The following DENND4A variants were observed in gnomAD, a reference collection of about 807,000 sequenced individuals.
The protein encoded by DENND4A is C-myc promoter-binding protein.
In DENND4A, 70 loss-of-function variants were observed where a neutral mutation model predicts 199.3. That is an observed-to-expected ratio of 0.35 (90% confidence interval 0.29 to 0.43). The LOEUF (loss-of-function observed/expected upper bound fraction) is 0.43, where lower values mean the gene tolerates loss of function less well. Among genes scored for constraint, DENND4A ranks in the 20% least tolerant of loss-of-function variants. The pLI is 1.00. For missense variants in DENND4A, 1,723 were observed against 2,255.8 expected (o/e 0.76, Z 4.78); for synonymous variants, 686 against 766.9 (o/e 0.89, Z 1.74).
chr15:65,731,543 T>C, intron 9 of DENND4A, 99 bp downstream of exon 9: 6 of 900,340 alleles, frequency 6.7e-6, no homozygotes, highest in Non-Finnish European at 8.7e-6. Flanking sequence ...AAATGAGAAG[T>C]ATTTCCATCA....
intron 12 of DENND4A, among the ~76,000 whole-genome samples, chr15:65,720,781 C>T (rs1396237399): frequency 6.6e-6 from 1 of 151,192 alleles, no homozygotes; most frequent in African/African-American, 2.4e-5. Context: ...CTACTATACG[C>T]CTCCTTCAAT....
intron 1 of DENND4A, among the ~76,000 whole-genome samples, chr15:65,785,949 TC>T (rs2077556820): frequency 6.6e-6 from 1 of 152,010 alleles, no homozygotes; most frequent in Non-Finnish European, 1.5e-5. Context: ...AACTTACAAA[TC>T]AGTAAGAAAT....
rs189050730 is a variant in DENND4A at position 65,706,324 on chromosome 15, C to T, written c.1954-100G>A. 1,248 of 1,135,524 alleles carry T rather than the reference C, an allele frequency of 1.1e-3. 6 individuals carry two copies. The highest frequency in any genetic ancestry group is 1.3e-3 in the Non-Finnish European group (1,151 of 865,504). 70.3% of individuals were successfully genotyped at this position (1,135,524 alleles called of 1,614,324 possible). A position where few individuals can be genotyped will look rare whatever the true frequency, so the allele number is the denominator to read the frequency against. On this transcript the variant is annotated intron_variant, in intron 14 of 32. Transcript: ENST00000443035. Reference sequence around the variant, plus strand: ...AAATAAACCATCTGCACAATGGATACTAAACAGCTATTAAAAAAGAAGAGT... The same window carrying T: ...AAATAAACCATCTGCACAATGGATATTAAACAGCTATTAAAAAAGAAGAGT...
rs957848588 is a variant in DENND4A at position 65,721,618 on chromosome 15, G to C, written c.1588+1230C>G. ...TAAAAAAAAAAAAAAAAAAGAAAGA[G>C]AAAGACGACGTCTCACTCTGTCACC... On this transcript the variant is annotated intron_variant, in intron 12 of 32. Coordinates refer to ENST00000443035, the MANE Select transcript of DENND4A (RefSeq NM_001320835.1). Among the ~76,000 whole-genome samples the C allele has an allele frequency of 1.9e-4, 28 of 148,170 alleles. No individual in the cohort carries two copies. In the East Asian group the frequency reaches 3.7e-3, roughly 19 times the overall value.
At chr15:65,770,950 T>C (rs1034419370) in intron 1 of DENND4A, among the ~76,000 whole-genome samples, 3 of 152,220 alleles carry the variant, frequency 2.0e-5, no homozygotes, top group African/African-American at 7.2e-5. Flanking sequence ...TGCAAGCTTT[T>C]AAAATGAAAA....
rs1260060111 is a variant in DENND4A at position 65,716,695 on chromosome 15, G to A, written c.1808-1072C>T. On this transcript the variant is annotated intron_variant, in intron 13 of 32. Coordinates refer to ENST00000443035, the MANE Select transcript of DENND4A (RefSeq NM_001320835.1). ...AGTCTTTGTTATTGTGAATAGTGCC[G>A]CAATAAACATACGTGTGCATGTGTC... Among the ~76,000 whole-genome samples, 13 of 151,594 alleles carry A rather than the reference G, an allele frequency of 8.6e-5. No homozygotes were observed. In the South Asian group the frequency reaches 1.3e-3, roughly 15 times the overall value.
chr15:65,731,713 T>G lies in DENND4A; in HGVS notation c.1108-13A>C, dbSNP rs1596547331. 6.5e-7 allele frequency: 1 copy of G among 1,535,884 alleles called. No homozygotes were observed. Among genetic ancestry groups the G allele is most frequent in the African/African-American group, 1.4e-5 (1 of 72,632 alleles). On this transcript the variant is annotated splice_polypyrimidine_tract_variant and intron_variant, in intron 8 of 32. Transcript: ENST00000443035. ...CATGTGGTGATAACTGGAAGAAGAT[T>G]TAAAATAAAGAATTTGAAACATAAA...
chr15:65,772,136 C>T (rs1330031217), intron 1 of DENND4A: 3 of 768,712 alleles, frequency 3.9e-6, no homozygotes, highest in African/African-American at 3.5e-5. Context: ...CCCTGTTCCC[C>T]TCCATAGCTT....
At chr15:65,791,497 T>C (rs2077721894) in intron 1 of DENND4A, among the ~76,000 whole-genome samples, 1 of 143,016 alleles carries the variant, frequency 7.0e-6, no homozygotes, top group Non-Finnish European at 1.5e-5. Flanking sequence ...ACTGGTCAAC[T>C]TGGACGCTGG....
chr15:65,688,596 T>A (rs182458949), intron 23 of DENND4A, among the ~76,000 whole-genome samples: 101 of 152,350 alleles, frequency 6.6e-4, no homozygotes, highest in African/African-American at 2.3e-3. Flanking sequence ...TATTCCAGTT[T>A]GCATCTGTCC....
intron 1 of DENND4A, among the ~76,000 whole-genome samples, chr15:65,786,281 A>G (rs1248952251): frequency 6.6e-6 from 1 of 152,260 alleles, no homozygotes; most frequent in Non-Finnish European, 1.5e-5. Flanking sequence ...AGTATCAACA[A>G]GGATTGAGGG....
intron 19 of DENND4A, 119 bp from the exon 20 acceptor site, chr15:65,700,794 C>A: frequency 9.3e-7 from 1 of 1,078,210 alleles, no homozygotes; most frequent in Non-Finnish European, 1.3e-6. Context: ...ACATACTTAG[C>A]AAAATACAAC....
At chr15:65,669,370 A>G (rs2076147776) in intron 27 of DENND4A, among the ~76,000 whole-genome samples, 2 of 152,228 alleles carry the variant, frequency 1.3e-5, no homozygotes, top group South Asian at 4.1e-4. Flanking sequence ...TTCCTATATC[A>G]GCTCCAAATG....
intron 24 of DENND4A, among the ~76,000 whole-genome samples, chr15:65,672,535 G>A (rs2076246740): frequency 6.6e-6 from 1 of 151,814 alleles, no homozygotes; most frequent in Non-Finnish European, 1.5e-5. Flanking sequence ...GGAGACTGGG[G>A]TAGGAGTCCA....
chr15:65,704,187 C>T (rs1440892967), intron 15 of DENND4A, among the ~76,000 whole-genome samples: 1 of 152,026 alleles, frequency 6.6e-6, no homozygotes, highest in Non-Finnish European at 1.5e-5. Context: ...ATTTCAAATG[C>T]CTCATTATTT....
At chr15:65,700,127 T>C (rs1184559736) in intron 20 of DENND4A, among the ~76,000 whole-genome samples, 2 of 152,110 alleles carry the variant, frequency 1.3e-5, no homozygotes, top group East Asian at 1.9e-4. Context: ...TACATAACCA[T>C]AGTACATTGT....
chr15:65,759,903 T>C (rs1305090636), intron 2 of DENND4A, among the ~76,000 whole-genome samples: 15 of 152,240 alleles, frequency 9.9e-5, no homozygotes. Flanking sequence ...GTGCTTACTG[T>C]AGATCATTTA....
intron 23 of DENND4A, among the ~76,000 whole-genome samples, chr15:65,679,834 T>G (rs2076510601): frequency 6.6e-6 from 1 of 152,136 alleles, no homozygotes; most frequent in Admixed American, 6.5e-5. Flanking sequence ...GATGGGTAAT[T>G]GGAAGAGAAT....
At chr15:65,677,207 A>T (rs1048952268) in intron 23 of DENND4A, among the ~76,000 whole-genome samples, 1 of 152,112 alleles carries the variant, frequency 6.6e-6, no homozygotes, top group South Asian at 2.1e-4. Flanking sequence ...ATTTTTAATC[A>T]TATAGGGCAA....
Sources: gnomAD v4.1 joint callset for allele counts (sites outside exome capture counted in the v4.1 genomes callset) on GRCh38, gnomAD v4.1.1 for gene constraint, MANE v1.5 for transcripts, NCBI Gene and HGNC (gene_info 2026-07-23, HGNC 2026-07-21) for gene names.